EPB41L3: variants seen among roughly 807,000 people sequenced by gnomAD.
EPB41L3 encodes band 4.1-like protein 3.
EPB41L3 carries 57 observed loss-of-function variants against 127.1 expected under a neutral mutation model. The ratio of observed to expected loss-of-function variants is 0.45; its 90% CI spans 0.36 to 0.56. The LOEUF (loss-of-function observed/expected upper bound fraction) is 0.56, where lower values mean the gene tolerates loss of function less well. Among genes scored for constraint, EPB41L3 ranks in the 20% least tolerant of loss-of-function variants. The probability of loss-of-function intolerance (pLI) is 0.00; values close to 1 mark genes in which losing one functional copy is unlikely to be tolerated. For missense variants in EPB41L3, 1,273 were observed against 1,372.2 expected (o/e 0.93, Z 1.14); for synonymous variants, 572 against 549.5 (o/e 1.04, Z -0.57).
chr18:5,471,170 C>T (rs1297885013), intron 3 of EPB41L3, among the ~76,000 whole-genome samples: 1 of 152,166 alleles, frequency 6.6e-6, no homozygotes, highest in Non-Finnish European at 1.5e-5. Context: ...TTCTGTTATA[C>T]TGTCTGTCCT....
At chr18:5,553,465 A>G (rs1316402742) in intron 3 of EPB41L3, among the ~76,000 whole-genome samples, 3 of 152,236 alleles carry the variant, frequency 2.0e-5, no homozygotes, top group Non-Finnish European at 4.4e-5. Context: ...AACTGCCCCT[A>G]CACAATTACA....
intron 3 of EPB41L3, among the ~76,000 whole-genome samples, chr18:5,568,145 T>C (rs1028519362): frequency 6.6e-6 from 1 of 152,134 alleles, no homozygotes; most frequent in Non-Finnish European, 1.5e-5. Flanking sequence ...AGAAAATTGC[T>C]ACAGTATTTA....
chr18:5,406,473 A>G (rs1412184857), intron 16 of EPB41L3, among the ~76,000 whole-genome samples: 1 of 152,210 alleles, frequency 6.6e-6, no homozygotes, highest in East Asian at 1.9e-4. Context: ...ATGCATGAAG[A>G]GAATACCCTG....
intron 5 of EPB41L3, among the ~76,000 whole-genome samples, chr18:5,439,751 T>C (rs944897587): frequency 6.6e-6 from 1 of 152,246 alleles, no homozygotes; most frequent in Non-Finnish European, 1.5e-5. Context: ...TATTTTCTTA[T>C]TGATTCCTAT....
intron 10 of EPB41L3, 26 bp downstream of exon 10, chr18:5,424,236 G>T: frequency 6.7e-7 from 1 of 1,495,978 alleles, no homozygotes; most frequent in Admixed American, 2.2e-5. Flanking sequence ...ATTCCTTAGG[G>T]AAAAAACAAA....
chr18:5,408,209 G>A (rs2075727148), intron 14 of EPB41L3, among the ~76,000 whole-genome samples: 1 of 151,534 alleles, frequency 6.6e-6, no homozygotes, highest in Non-Finnish European at 1.5e-5. Flanking sequence ...AGAATATGAA[G>A]AATTTTACAC....
At chr18:5,506,685 C>T (rs969922012) in intron 1 of EPB41L3, among the ~76,000 whole-genome samples, 17 of 152,062 alleles carry the variant, frequency 1.1e-4, no homozygotes, top group African/African-American at 3.6e-4. Context: ...TCTGTTGTAT[C>T]CCAGGCATCT....
rs745849637 is a variant in EPB41L3, at chr18:5,424,366, A to T, written c.1066-7T>A. The T allele has an allele frequency of 3.3e-6, 5 of 1,523,204 alleles. No individual in the cohort carries two copies. The highest frequency in any genetic ancestry group is 3.6e-6 in the Non-Finnish European group (4 of 1,124,804). The allele number at this position is 1,523,204 out of a possible 1,614,324, so 94.4% of individuals were successfully genotyped here. On this transcript the variant is annotated splice_region_variant and splice_polypyrimidine_tract_variant and intron_variant, in intron 9 of 22. Coordinates refer to ENST00000341928, the MANE Select transcript of EPB41L3 (RefSeq NM_012307.5). ...TGCTTTCAAATTGTTCAAACTAAAT[A>T]AAAAAAAATACATTGAAGAGTAAAG... is the stretch of plus-strand genomic sequence containing the variant.
At chr18:5,445,097 G>A in intron 4 of EPB41L3, 43 bp downstream of exon 4, 1 of 1,447,178 alleles carries the variant, frequency 6.9e-7, no homozygotes, top group Non-Finnish European at 9.7e-7. Flanking sequence ...GCAGTAATGA[G>A]CAGTTCAAGC....
At chr18:5,467,828 T>A (rs1329144232) in intron 3 of EPB41L3, among the ~76,000 whole-genome samples, 3 of 152,160 alleles carry the variant, frequency 2.0e-5, no homozygotes, top group Non-Finnish European at 4.4e-5. Context: ...TGACACCAGC[T>A]GTAGCAGGGG....
chr18:5,418,612 C>G (rs1282945682), intron 12 of EPB41L3, among the ~76,000 whole-genome samples: 1 of 152,100 alleles, frequency 6.6e-6, no homozygotes, highest in Non-Finnish European at 1.5e-5. Flanking sequence ...CAAAAGTTAT[C>G]GAAATATCCC....
chr18:5,607,598 G>A (rs1402721337), intron 3 of EPB41L3, among the ~76,000 whole-genome samples: 2 of 152,090 alleles, frequency 1.3e-5, no homozygotes, highest in South Asian at 4.1e-4. Context: ...AAATTTGCAG[G>A]TACAAGGGTT....
intron 3 of EPB41L3, among the ~76,000 whole-genome samples, chr18:5,474,240 A>C: frequency 6.6e-6 from 1 of 152,138 alleles, no homozygotes; most frequent in Non-Finnish European, 1.5e-5. Flanking sequence ...AAAAAAAAAA[A>C]AAAATCTCTC....
upstream of EPB41L3, chr18:5,544,154 C>T (rs905007063): frequency 3.0e-6 from 3 of 985,508 alleles, no homozygotes; most frequent in Non-Finnish European, 3.6e-6. Flanking sequence ...CTCCCAGCCG[C>T]GGGGGAGGGG....
At chr18:5,394,591 G>C in intron 22 of EPB41L3, 86 bp downstream of exon 22, 1 of 947,610 alleles carries the variant, frequency 1.1e-6, no homozygotes, top group Non-Finnish European at 1.7e-6. Context: ...ACAGAGGAAA[G>C]GAGGGATCAG....
chr18:5,543,922 G>C lies in EPB41L3; in HGVS notation c.-21C>G, dbSNP rs1287166197. 5 of 985,544 alleles carry C rather than the reference G, an allele frequency of 5.1e-6. No individual in the cohort carries two copies. The highest frequency in any genetic ancestry group is 1.7e-5 in the African/African-American group (1 of 57,196). The allele number at this position is 985,544 out of a possible 1,614,324, so 61.0% of individuals were successfully genotyped here. A position where few individuals can be genotyped will look rare whatever the true frequency, so the allele number is the denominator to read the frequency against. On this transcript the variant is annotated 5_prime_UTR_variant, in exon 1 of 23. Coordinates refer to ENST00000341928, the MANE Select transcript of EPB41L3 (RefSeq NM_012307.5). The surrounding 1 kb of genome is among the most constrained non-coding windows in gnomAD (Gnocchi z 5.2). ...GAGGCGGAAAAGTTACCTGGGATCA[G>C]CAGGGAGCCCGGGCGCGCCGCGGCG...
chr18:5,616,854 T>G (rs2094800875), intron 1 of EPB41L3, among the ~76,000 whole-genome samples: 1 of 152,222 alleles, frequency 6.6e-6, no homozygotes, highest in Non-Finnish European at 1.5e-5. Flanking sequence ...TCTCATTTAG[T>G]GAACATGCCA....
intron 19 of EPB41L3, 24 bp from the exon 20 acceptor site, chr18:5,395,731 C>T (rs149003216): frequency 2.5e-5 from 40 of 1,594,890 alleles, no homozygotes; most frequent in African/African-American, 2.4e-4. Context: ...GGCATAGACC[C>T]CTCATCCAGG....
At chr18:5,630,342 C>G (rs753915758), upstream of EPB41L3, 6 of 517,162 alleles carry the variant, frequency 1.2e-5, no homozygotes, top group Admixed American at 1.2e-4. Flanking sequence ...CGCTCCCGGC[C>G]TACGCCCGGC....
Sources: gnomAD v4.1 joint callset for allele counts (sites outside exome capture counted in the v4.1 genomes callset) on GRCh38, gnomAD v4.1.1 for gene constraint, Gnocchi (gnomAD v3.1) non-coding constraint, MANE v1.5 for transcripts, NCBI Gene and HGNC (gene_info 2026-07-23, HGNC 2026-07-21) for gene names.